EXT2: variants seen among roughly 807,000 people sequenced by gnomAD.
EXT2 encodes exostosin glycosyltransferase 2.
A neutral mutation model predicts 81.6 loss-of-function variants in EXT2; 53 were observed. The observed-to-expected ratio is 0.65, with a 90% confidence interval of 0.52 to 0.82. EXT2 has a LOEUF of 0.82. EXT2 is among the 40% of genes least tolerant of loss of function. The pLI, the probability that EXT2 is intolerant of heterozygous loss-of-function variation, is 0.00. For synonymous variants in EXT2, 320 were observed against 340.0 expected, an observed-to-expected ratio of 0.94 and a Z score of 0.65; for missense variants, 774 against 910.2, an observed-to-expected ratio of 0.85 and a Z score of 1.93.
intron 13 of EXT2, among the ~76,000 whole-genome samples, chr11:44,241,042 C>CA (rs1357613172): frequency 6.6e-6 from 1 of 152,220 alleles, no homozygotes; most frequent in Non-Finnish European, 1.5e-5. Flanking sequence ...AGCCACTTTA[C>CA]AAGTGTGTGT....
chr11:44,113,159 C>T (rs1334655565), intron 3 of EXT2, among the ~76,000 whole-genome samples: 2 of 152,198 alleles, frequency 1.3e-5, no homozygotes, highest in African/African-American at 2.4e-5. Flanking sequence ...TTCTTGGTTT[C>T]ATAAAGCTTA....
chr11:44,250,107 G>T lies in EXT2; in HGVS notation c.*5820G>T, dbSNP rs1956127074. On this transcript the variant is annotated 3_prime_UTR_variant, in exon 14 of 14. Coordinates refer to ENST00000533608, the MANE Select transcript of EXT2 (RefSeq NM_207122.2). ...GTTGTCTTTGCCAGGCAGTGTGGTA[G>T]GCCCAAGAGATATAGCAATTAGAGT... Among the ~76,000 whole-genome samples, 1 of 152,194 alleles carries T rather than the reference G, an allele frequency of 6.6e-6. No individual in the cohort carries two copies. The highest frequency in any genetic ancestry group is 1.5e-5 in the Non-Finnish European group (1 of 68,032).
intron 7 of EXT2, among the ~76,000 whole-genome samples, chr11:44,152,626 C>T (rs202032572): frequency 2.6e-5 from 4 of 152,126 alleles, no homozygotes; most frequent in Non-Finnish European, 4.4e-5. Context: ...GCTGAGATTA[C>T]GGGCATGAGC....
rs760121039 is a variant in EXT2, at chr11:44,211,805, TG to T, written c.1662+4847del. 3.3e-5 allele frequency among the ~76,000 whole-genome samples: 5 copies of T among 152,210 alleles called. No individual in the cohort carries two copies. The East Asian group carries it at 5.8e-4, about 18-fold the overall frequency. The stretch of plus-strand genomic sequence containing the variant: ...ACCACAAAGAAATAAGTATGCAAGG[TG>T]ATGGATTAGTCTGATTTGCTCTTCT... On this transcript the variant is annotated intron_variant, in intron 10 of 13. Transcript: ENST00000533608.
At chr11:44,147,149 C>A (rs558537058) in intron 7 of EXT2, among the ~76,000 whole-genome samples, 1 of 152,212 alleles carries the variant, frequency 6.6e-6, no homozygotes, top group Non-Finnish European at 1.5e-5. Context: ...TACTTGTACA[C>A]CCTAGCTCTC....
intron 8 of EXT2, among the ~76,000 whole-genome samples, chr11:44,176,188 A>G (rs993444171): frequency 2.0e-5 from 3 of 152,234 alleles, no homozygotes; most frequent in Admixed American, 6.5e-5. Flanking sequence ...CTGTCTGGTC[A>G]TGACCCAGAC....
intron 1 of EXT2, among the ~76,000 whole-genome samples, chr11:44,104,939 C>A (rs1289469996): frequency 1.3e-5 from 2 of 152,188 alleles, no homozygotes; most frequent in Non-Finnish European, 2.9e-5. Flanking sequence ...AGATGATAAT[C>A]TTTTAAGCTC....
intron 7 of EXT2, among the ~76,000 whole-genome samples, chr11:44,159,859 T>C (rs1240264468): frequency 6.6e-6 from 1 of 152,204 alleles, no homozygotes; most frequent in African/African-American, 2.4e-5. Context: ...TACAGGGGAC[T>C]AGAGTTGGGT....
intron 4 of EXT2, among the ~76,000 whole-genome samples, chr11:44,114,692 C>T (rs1210010422): frequency 1.3e-5 from 2 of 152,294 alleles, no homozygotes; most frequent in South Asian, 2.1e-4. Context: ...ATTGCTGAAA[C>T]GGCTTCCTAT....
At chr11:44,171,472 G>C in intron 7 of EXT2, 139 bp from the exon 8 acceptor site, 2 of 1,221,444 alleles carry the variant, frequency 1.6e-6, no homozygotes, top group Non-Finnish European at 1.2e-6. Flanking sequence ...ACAGCAGGGA[G>C]CATATGCCCT....
At position 44,244,428 on chromosome 11, in the gene EXT2, C is replaced by G; in HGVS notation, c.*141C>G. On this transcript the variant is annotated 3_prime_UTR_variant, in exon 14 of 14. Coordinates refer to ENST00000533608, the MANE Select transcript of EXT2 (RefSeq NM_207122.2). ...TCTTGGCATGCACCCACCTAACCCA[C>G]TTTCTCAAGAACAAGAACCTAGAAT... 1 of 808,558 alleles carries G rather than the reference C, an allele frequency of 1.2e-6. No individual in the cohort carries two copies. Among genetic ancestry groups the G allele is most frequent in the Non-Finnish European group, 2.1e-6 (1 of 486,820 alleles). 50.1% of individuals were successfully genotyped at this position (808,558 alleles called of 1,614,324 possible).
intron 8 of EXT2, among the ~76,000 whole-genome samples, chr11:44,173,266 G>A (rs1180723649): frequency 1.3e-5 from 2 of 152,144 alleles, no homozygotes; most frequent in Non-Finnish European, 2.9e-5. Context: ...ACATCTTTTT[G>A]TTTTGCTTGA....
At position 44,241,324 on chromosome 11, in the gene EXT2, T is replaced by A. The variant is rs201204297; in HGVS notation, c.2019-2825T>A. On this transcript the variant is annotated intron_variant, in intron 13 of 13. Coordinates refer to ENST00000533608, the MANE Select transcript of EXT2 (RefSeq NM_207122.2). The stretch of plus-strand genomic sequence containing the variant: ...TGAATTAGGCTAATCTTTATTCAAA[T>A]GATGAGTTTGCCACACTTATTAGCT... Among the ~76,000 whole-genome samples, 88 of 152,358 alleles carry A rather than the reference T, an allele frequency of 5.8e-4. 2 individuals carry two copies. In the East Asian group the frequency reaches 9.4e-3, roughly 16 times the overall value.
Position 44,209,221 on chromosome 11 carries a change from C to A in EXT2, c.1662+2262C>A, listed in dbSNP as rs367594642. 2.0e-5 allele frequency among the ~76,000 whole-genome samples: 3 copies of A among 152,292 alleles called. No homozygotes were observed. In the East Asian group the frequency reaches 5.8e-4, roughly 29 times the overall value. On this transcript the variant is annotated intron_variant, in intron 10 of 13. Coordinates refer to ENST00000533608, the MANE Select transcript of EXT2 (RefSeq NM_207122.2). ...TAGGTTGGGTTCAGAGCACTCTGTA[C>A]CTCTTTGTGAGCAAATAATGGTGAA...
chr11:44,161,914 A>G (rs1346663430), intron 7 of EXT2, among the ~76,000 whole-genome samples: 1 of 152,214 alleles, frequency 6.6e-6, no homozygotes, highest in Admixed American at 6.5e-5. Context: ...TCTATATGAA[A>G]GTCCTGACCA....
intron 7 of EXT2, among the ~76,000 whole-genome samples, chr11:44,145,262 G>A (rs544913416): frequency 1.3e-5 from 2 of 152,230 alleles, no homozygotes; most frequent in Non-Finnish European, 2.9e-5. Flanking sequence ...ACATTGAGTA[G>A]AAAATGCCTC....
At chr11:44,096,178 C>A in intron 1 of EXT2, 1 of 1,395,898 alleles carries the variant, frequency 7.2e-7, no homozygotes, top group Non-Finnish European at 9.8e-7. Context: ...ACCCGCCCTC[C>A]GCCCTCCGCC....
intron 7 of EXT2, among the ~76,000 whole-genome samples, chr11:44,169,869 G>T (rs1440094015): frequency 6.6e-6 from 1 of 151,772 alleles, no homozygotes; most frequent in African/African-American, 2.4e-5. Context: ...TATGCTTTTC[G>T]CAATAGACAA....
intron 6 of EXT2, among the ~76,000 whole-genome samples, chr11:44,128,697 T>C (rs970279705): frequency 1.3e-5 from 2 of 152,176 alleles, no homozygotes; most frequent in African/African-American, 4.8e-5. Flanking sequence ...AATCTAGATC[T>C]GCTTGGGTAG....
Sources: gnomAD v4.1 joint callset for allele counts (sites outside exome capture counted in the v4.1 genomes callset) on GRCh38, gnomAD v4.1.1 for gene constraint, MANE v1.5 for transcripts, NCBI Gene and HGNC (gene_info 2026-07-23, HGNC 2026-07-21) for gene names.